Variants in PHYHD1 observed in about 807,000 individuals in gnomAD.
PHYHD1 encodes phytanoyl-CoA dioxygenase domain-containing protein 1.
In PHYHD1, 42 loss-of-function variants were observed where a neutral mutation model predicts 43.6. The ratio of observed to expected loss-of-function variants is 0.96; its 90% CI spans 0.75 to 1.25. PHYHD1 has a LOEUF of 1.25. PHYHD1 is among the 50% of genes most tolerant of loss of function. PHYHD1 has a pLI of 0.00. For missense variants in PHYHD1, 342 were observed against 370.8 expected, an observed-to-expected ratio of 0.92 and a Z score of 0.64; for synonymous variants, 139 against 143.6, an observed-to-expected ratio of 0.97 and a Z score of 0.23.
chr9:128,922,035 T>C lies in PHYHD1; in HGVS notation c.-54T>C. On this transcript the variant is annotated 5_prime_UTR_variant, in exon 2 of 13. Transcript: ENST00000372592. ...TGGCCTGACCCTCTCACAGCATAAT[T>C]TCCCGGCACCTGGTAAGCAGTGGTG... 1 of 474,322 alleles carries C rather than the reference T, an allele frequency of 2.1e-6. No individual in the cohort carries two copies. The highest frequency in any genetic ancestry group is 2.8e-5 in the South Asian group (1 of 35,246). 29.4% of individuals were successfully genotyped at this position (474,322 alleles called of 1,614,324 possible). A position where few individuals can be genotyped will look rare whatever the true frequency, so the allele number is the denominator to read the frequency against.
chr9:128,940,717 T>C lies in PHYHD1; in HGVS notation c.703+2T>C. The stretch of plus-strand genomic sequence containing the variant: ...TTGTGCCCACCCCAGTGCAGAGAGG[T>C]AGGCAGATGCAGAGGGCAGAGAGGC... On this transcript the variant is annotated splice_donor_variant, in intron 11 of 12. Transcript: ENST00000372592. LOFTEE classifies it high-confidence loss of function. The C allele has an allele frequency of 1.2e-6, 2 of 1,612,654 alleles. No homozygotes were observed. Among genetic ancestry groups the C allele is most frequent in the Non-Finnish European group, 1.7e-6 (2 of 1,179,798 alleles).
chr9:128,938,859 C>G (rs1841490948), intron 9 of PHYHD1, among the ~76,000 whole-genome samples: 2 of 131,556 alleles, frequency 1.5e-5, no homozygotes, highest in African/African-American at 5.0e-5. Flanking sequence ...TGCTCAAATA[C>G]CTCTGGTGAC....
chr9:128,940,537 A>G (rs760616225), intron 10 of PHYHD1, 40 bp downstream of exon 10: 9 of 1,613,556 alleles, frequency 5.6e-6, no homozygotes, highest in Non-Finnish European at 6.8e-6. Flanking sequence ...GGGACTCCCC[A>G]CCCCCTAGGG....
intron 3 of PHYHD1, among the ~76,000 whole-genome samples, chr9:128,922,760 T>C (rs1304065297): frequency 6.6e-6 from 1 of 152,194 alleles, no homozygotes; most frequent in Non-Finnish European, 1.5e-5. Flanking sequence ...AACAGCCTTT[T>C]AAAAAATCAC....
Position 128,922,333 on chromosome 9 carries a change from C to T in PHYHD1, c.10C>T (p.Leu4=), listed in dbSNP as rs1425973495. 3 of 1,550,830 alleles carry T rather than the reference C, an allele frequency of 1.9e-6. No homozygotes were observed. Among genetic ancestry groups the T allele is most frequent in the Non-Finnish European group, 2.6e-6 (3 of 1,147,220 alleles). MAC[L]SPSQLQKFQQ... ...TGCCCTGAGCGTCTCCATGGCCTGC[C>T]TGAGCCCCTCGCAGCTCCAGAAGGT... The change falls in exon 3 of 13, where the codon CTG becomes TTG. Residue 4 remains leucine, a synonymous_variant. Transcript: ENST00000372592.
chr9:128,926,229 C>T (rs1400097688), intron 3 of PHYHD1, among the ~76,000 whole-genome samples: 2 of 152,116 alleles, frequency 1.3e-5, no homozygotes, highest in Non-Finnish European at 2.9e-5. Context: ...CTTGCCGCTC[C>T]TTTTTCTTTT....
chr9:128,930,602 A>C (rs1841246527), intron 4 of PHYHD1, among the ~76,000 whole-genome samples: 1 of 151,514 alleles, frequency 6.6e-6, no homozygotes, highest in Non-Finnish European at 1.5e-5. Context: ...AATGCACTCC[A>C]GCCTGGGCAA....
chr9:128,928,930 A>G (rs561510068), intron 4 of PHYHD1, among the ~76,000 whole-genome samples: 59 of 152,312 alleles, frequency 3.9e-4, no homozygotes, highest in African/African-American at 1.4e-3. Context: ...TAAAACTGAT[A>G]ATAATGCACA....
intron 3 of PHYHD1, among the ~76,000 whole-genome samples, chr9:128,923,835 T>C (rs1483218867): frequency 1.3e-5 from 2 of 152,076 alleles, no homozygotes; most frequent in Non-Finnish European, 2.9e-5. Flanking sequence ...AAAATAAAAC[T>C]GGCCAGGCGC....
In PHYHD1 at chr9:128,941,716, G is replaced by GCTCT; in HGVS notation, c.*5_*8dup. The GCTCT allele has an allele frequency of 6.2e-7, 1 of 1,614,150 alleles. No homozygotes were observed. Among genetic ancestry groups the GCTCT allele is most frequent in the Non-Finnish European group, 8.5e-7 (1 of 1,180,038 alleles). On this transcript the variant is annotated 3_prime_UTR_variant, in exon 13 of 13. Coordinates refer to ENST00000372592, the MANE Select transcript of PHYHD1 (RefSeq NM_001100876.2). ...CCTTTCCCCAACTGTACACCTAAAG[G>GCTCT]CTCTCGCAGGGCAGGAGCCCTCGCC...
At chr9:128,936,780 C>T in intron 8 of PHYHD1, 135 bp downstream of exon 8, 1 of 1,047,638 alleles carries the variant, frequency 9.5e-7, no homozygotes, top group Non-Finnish European at 1.4e-6. Context: ...TCGGTCTCCT[C>T]TGGCTAAAGC....
chr9:128,922,351 C>A lies in PHYHD1; in HGVS notation c.28C>A (p.Gln10Lys). 6.5e-7 allele frequency: 1 copy of A among 1,549,798 alleles called. No individual in the cohort carries two copies. The highest frequency in any genetic ancestry group is 8.7e-7 in the Non-Finnish European group (1 of 1,146,910). The change falls in exon 3 of 13, where the codon CAG becomes AAG. Residue 10 changes from glutamine (Q) to lysine (K), a missense_variant. Transcript: ENST00000372592. MACLSPSQL[Q>K]KFQQDGFLVL... is the part of the protein sequence containing the mutation. ...GGCCTGCCTGAGCCCCTCGCAGCTC[C>A]AGAAGGTAGGAGCCTGCAAGTCGGG...
chr9:128,937,007 C>T (rs1214880605), intron 8 of PHYHD1, among the ~76,000 whole-genome samples: 3 of 151,944 alleles, frequency 2.0e-5, no homozygotes, highest in African/African-American at 2.4e-5. Flanking sequence ...CCCAGCTACT[C>T]GGGAGGCTGA....
intron 4 of PHYHD1, among the ~76,000 whole-genome samples, chr9:128,928,721 A>G (rs943641878): frequency 2.0e-5 from 3 of 152,072 alleles, no homozygotes; most frequent in African/African-American, 7.2e-5. Context: ...AACAAAAACA[A>G]AAACAAAAAA....
rs997416108 is a variant in PHYHD1 at position 128,937,787 on chromosome 9, A to G, written c.457+9A>G. The G allele has an allele frequency of 2.0e-5, 33 of 1,613,920 alleles. No individual in the cohort carries two copies. The highest frequency in any genetic ancestry group is 2.5e-5 in the Non-Finnish European group (29 of 1,180,030). ...TCACTTTGGCGGTGAAGGTGAGCTG[A>G]GAGCTGTGGGCCCCTGAAAAGGCCA... On this transcript the variant is annotated intron_variant, in intron 9 of 12. Coordinates refer to ENST00000372592, the MANE Select transcript of PHYHD1 (RefSeq NM_001100876.2).
chr9:128,929,306 G>T (rs1474934293), intron 4 of PHYHD1, among the ~76,000 whole-genome samples: 1 of 152,014 alleles, frequency 6.6e-6, no homozygotes. Flanking sequence ...ACTCCAGTCT[G>T]GGTGGGTGAT....
chr9:128,930,883 A>C (rs1266946872), intron 4 of PHYHD1, among the ~76,000 whole-genome samples: 1 of 147,154 alleles, frequency 6.8e-6, no homozygotes, highest in South Asian at 2.3e-4. Flanking sequence ...CGGGAGGCGG[A>C]GCTTGCAGTG....
chr9:128,928,060 C>T (rs10046883), intron 4 of PHYHD1, among the ~76,000 whole-genome samples: 2,628 of 152,332 alleles, frequency 0.017, 80 homozygotes, highest in African/African-American at 0.059. Context: ...AGCCTGCTTG[C>T]GCCTGGGCCA....
chr9:128,926,556 TTC>T (rs1841139406), intron 3 of PHYHD1, among the ~76,000 whole-genome samples: 1 of 145,516 alleles, frequency 6.9e-6, no homozygotes, highest in African/African-American at 2.5e-5. Context: ...TTCTTTTTCT[TTC>T]TTTTTTTTTT....
Sources: allele counts gnomAD v4.1 joint callset (sites outside exome capture counted in the v4.1 genomes callset), GRCh38; gene constraint gnomAD v4.1.1; transcripts MANE v1.5; gene names NCBI Gene and HGNC (gene_info 2026-07-23, HGNC 2026-07-21).